FBXO38: variants seen among roughly 807,000 people sequenced by gnomAD.
The protein encoded by FBXO38 is F-box only protein 38.
A neutral mutation model predicts 131.9 loss-of-function variants in FBXO38; 53 were observed. The ratio of observed to expected loss-of-function variants is 0.40; its 90% CI spans 0.32 to 0.51. The LOEUF (loss-of-function observed/expected upper bound fraction) is 0.51. Among genes scored for constraint, FBXO38 ranks in the 20% least tolerant of loss-of-function variants. The probability of loss-of-function intolerance (pLI) is 0.53; values close to 1 mark genes in which losing one functional copy is unlikely to be tolerated. For missense variants in FBXO38, 1,076 were observed against 1,475.6 expected (o/e 0.73, Z 4.44); for synonymous variants, 452 against 505.6 (o/e 0.89, Z 1.42).
intron 12 of FBXO38, among the ~76,000 whole-genome samples, chr5:148,419,377 T>TA (rs1177086557): frequency 5.9e-5 from 9 of 151,446 alleles, no homozygotes; most frequent in Non-Finnish European, 1.2e-4. Flanking sequence ...ATAAGTTAGA[T>TA]TTTTTTTTCC....
chr5:148,410,911 T>C (rs1752711963), intron 9 of FBXO38, 146 bp downstream of exon 9: 1 of 681,008 alleles, frequency 1.5e-6, no homozygotes, highest in Non-Finnish European at 2.3e-6. Context: ...AATAAACTTT[T>C]AAATTAGAAA....
intron 8 of FBXO38, among the ~76,000 whole-genome samples, chr5:148,410,077 C>T (rs1752659868): frequency 6.6e-6 from 1 of 152,040 alleles, no homozygotes; most frequent in Non-Finnish European, 1.5e-5. Context: ...TGCAGATACT[C>T]CTTTGAAGAA....
At chr5:148,413,922 C>G (rs1335422836) in intron 9 of FBXO38, 1 of 402,618 alleles carries the variant, frequency 2.5e-6, no homozygotes, top group African/African-American at 2.1e-5. Context: ...CTAGCTGTCC[C>G]TTGACTTTTA....
rs1561521573 is a variant in FBXO38, at chr5:148,404,676, G to GTATATTTGTATAT, written c.593-8_593-7insATATTTGTATATT. 3.3e-6 allele frequency: 5 copies of GTATATTTGTATAT among 1,525,490 alleles called. No homozygotes were observed. The highest frequency in any genetic ancestry group is 4.4e-6 in the Non-Finnish European group (5 of 1,139,964). The allele number at this position is 1,525,490 out of a possible 1,614,324, so 94.5% of individuals were successfully genotyped here. A position where few individuals can be genotyped will look rare whatever the true frequency, so the allele number is the denominator to read the frequency against. On this transcript the variant is annotated splice_polypyrimidine_tract_variant and intron_variant, in intron 5 of 21. Transcript: ENST00000340253. Reference sequence around the variant, plus strand: ...TTCTTGTTTGTTCTTTTTTATATTTGTGTTTTAGGGGTGAATGTTCCTGAA... The same window carrying GTATATTTGTATAT: ...TTCTTGTTTGTTCTTTTTTATATTTGTATATTTGTATATTGTTTTAGGGGTGAATGTTCCTGAA...
In FBXO38 at chr5:148,421,289, C is replaced by T. The variant is rs73264589; in HGVS notation, c.1619-2709C>T. Among the ~76,000 whole-genome samples, 726 of 152,082 alleles carry T rather than the reference C, an allele frequency of 4.8e-3. 4 individuals carry two copies. Among genetic ancestry groups the T allele is most frequent in the African/African-American group, 0.016 (680 of 41,480 alleles). ...AAGAATTTGAATTTTTGAAAAGTAC[C>T]CAGGTGGAGCTGATACTGCTGGTCT... is the stretch of plus-strand genomic sequence containing the variant. On this transcript the variant is annotated intron_variant, in intron 12 of 21. Transcript: ENST00000340253.
intron 1 of FBXO38, chr5:148,385,152 T>C (rs1307073073): frequency 6.6e-6 from 1 of 152,248 alleles, no homozygotes; most frequent in African/African-American, 2.4e-5. Context: ...GCTTGTAATT[T>C]TTAACTTTCA....
In FBXO38 at chr5:148,417,135, G is replaced by C; in HGVS notation, c.1549G>C (p.Asp517His). The C allele has an allele frequency of 6.2e-7, 1 of 1,613,858 alleles. No individual in the cohort carries two copies. Reference protein sequence around the residue: ...NIHDNNHHHPDDSDEENDFRQ... With the variant: ...NIHDNNHHHPHDSDEENDFRQ... ...CCACGACAACAATCACCATCATCCA[G>C]ATGACTCAGACGAGGAGAATGACTT... The change falls in exon 12 of 22, where the codon GAT becomes CAT. Residue 517 changes from aspartate to histidine, a missense_variant. Around this residue, in one of 8 missense-constraint regions of FBXO38, gnomAD observed 212 missense variants for 221.2 expected, o/e 0.96. Transcript: ENST00000340253.
chr5:148,394,752 C>T lies in FBXO38; in HGVS notation c.-25C>T, dbSNP rs368141294. The T allele has an allele frequency of 1.7e-5, 25 of 1,481,632 alleles. No homozygotes were observed. The East Asian group carries it at 2.3e-4, about 13-fold the overall frequency. The allele number at this position is 1,481,632 out of a possible 1,614,324, so 91.8% of individuals were successfully genotyped here. The stretch of plus-strand genomic sequence containing the variant: ...AAGTAAACAAAAGGGAAGATTTTCT[C>T]GTTGATACTGGAGACTGCACAACAA... On this transcript the variant is annotated 5_prime_UTR_variant, in exon 2 of 22. Transcript: ENST00000340253.
intron 12 of FBXO38, among the ~76,000 whole-genome samples, chr5:148,417,849 T>A (rs891108329): frequency 1.3e-5 from 2 of 152,214 alleles, no homozygotes; most frequent in African/African-American, 4.8e-5. Flanking sequence ...AGTTTCCCAG[T>A]TGACGCTTAG....
chr5:148,396,835 G>A (rs1307028796), intron 2 of FBXO38, among the ~76,000 whole-genome samples: 1 of 152,080 alleles, frequency 6.6e-6, no homozygotes, highest in Non-Finnish European at 1.5e-5. Context: ...TTAACTTCTG[G>A]CCTCAAGCAA....
intron 1 of FBXO38, among the ~76,000 whole-genome samples, chr5:148,393,252 C>T (rs948837875): frequency 7.1e-6 from 1 of 140,410 alleles, no homozygotes; most frequent in African/African-American, 2.7e-5. Context: ...GGCAAGCATG[C>T]TGACAGCCTC....
At chr5:148,430,159 T>TA (rs1753956744) in intron 15 of FBXO38, 1 of 101,520 alleles carries the variant, frequency 9.9e-6, no homozygotes, top group African/African-American at 7.3e-5. Context: ...ATTATTATTA[T>TA]TTTTTTTTTT....
intron 9 of FBXO38, chr5:148,410,994 C>A: frequency 2.3e-6 from 1 of 430,756 alleles, no homozygotes. Context: ...TAACAATACA[C>A]CAGAAAAAGA....
In FBXO38 at chr5:148,416,237, C is replaced by T. The variant is rs184068590; in HGVS notation, c.1407+167C>T. ...GCATAAAGGTTGTAATAATGCATAG[C>T]CTCTCATTCTTCTAAATGAGAATTA... On this transcript the variant is annotated intron_variant, in intron 11 of 21. Coordinates refer to ENST00000340253, the MANE Select transcript of FBXO38 (RefSeq NM_205836.3). 2.2e-3 allele frequency among the ~76,000 whole-genome samples: 333 copies of T among 151,600 alleles called. 3 individuals carry two copies. The highest frequency in any genetic ancestry group is 7.6e-3 in the African/African-American group (315 of 41,308).
rs932971159 is a variant in FBXO38 at position 148,397,017 on chromosome 5, A to T, written c.129-1982A>T. Among the ~76,000 whole-genome samples, 4 of 152,228 alleles carry T rather than the reference A, an allele frequency of 2.6e-5. No individual in the cohort carries two copies. In the East Asian group the frequency reaches 7.7e-4, roughly 29 times the overall value. On this transcript the variant is annotated intron_variant, in intron 2 of 21. Coordinates refer to ENST00000340253, the MANE Select transcript of FBXO38 (RefSeq NM_205836.3). Reference sequence around the variant, plus strand: ...CAATATATAATGGTAGTTACAGTGGAGAAAACAGCATTTGACAGCACGTAG... The same window carrying T: ...CAATATATAATGGTAGTTACAGTGGTGAAAACAGCATTTGACAGCACGTAG...
At chr5:148,424,246 C>T in intron 13 of FBXO38, 129 bp downstream of exon 13, 2 of 910,236 alleles carry the variant, frequency 2.2e-6, no homozygotes, top group Non-Finnish European at 3.3e-6. Flanking sequence ...CTATTGATTA[C>T]TGAGAACTGT....
chr5:148,384,287 G>T (rs1240944088), intron 1 of FBXO38, among the ~76,000 whole-genome samples: 1 of 152,188 alleles, frequency 6.6e-6, no homozygotes, highest in African/African-American at 2.4e-5. Context: ...CCAGCATAAA[G>T]AACTCTCTCT....
In FBXO38 at chr5:148,439,667, G is replaced by A. The variant is rs1318773620; in HGVS notation, c.3045G>A (p.Glu1015=). The change falls in exon 19 of 22, where the codon GAG becomes GAA. Residue 1015 remains glutamate, a synonymous_variant. Coordinates refer to ENST00000340253, the MANE Select transcript of FBXO38 (RefSeq NM_205836.3). ...CACAGGTGGACACTCTAACTTTGGAGCAGAAGCTATTTAGTGGTCCCTACC... is the reference window on the plus strand; with the variant it reads ...CACAGGTGGACACTCTAACTTTGGAACAGAAGCTATTTAGTGGTCCCTACC... ...PMQQVDTLTL[E]QKLFSGPYPY... is the part of the protein sequence containing the mutation. The A allele has an allele frequency of 3.1e-6, 5 of 1,604,700 alleles. No individual in the cohort carries two copies. In the Admixed American group the frequency reaches 5.1e-5, roughly 16 times the overall value.
chr5:148,438,704 A>C (rs1403581644), intron 18 of FBXO38, among the ~76,000 whole-genome samples: 1 of 152,184 alleles, frequency 6.6e-6, no homozygotes, highest in Non-Finnish European at 1.5e-5. Context: ...CCTGTGGTTT[A>C]AGAGCACAGT....
Sources: gnomAD v4.1 joint callset for allele counts (sites outside exome capture counted in the v4.1 genomes callset) on GRCh38, gnomAD v4.1.1 for gene constraint, gnomAD v4.1.1 regional missense constraint, MANE v1.5 for transcripts, NCBI Gene and HGNC (gene_info 2026-07-23, HGNC 2026-07-21) for gene names.